ARHGAP6: variants seen among roughly 807,000 people sequenced by gnomAD.
The protein encoded by ARHGAP6 is rho GTPase-activating protein 6.
Under a neutral mutation model 55.7 loss-of-function variants are expected in ARHGAP6, and 16 were observed. That is an observed-to-expected ratio of 0.29 (90% CI 0.19 to 0.44). The LOEUF (loss-of-function observed/expected upper bound fraction) is 0.44, where lower values mean the gene tolerates loss of function less well. ARHGAP6 is among the 20% of genes least tolerant of loss of function. The pLI is 1.00. For missense variants in ARHGAP6, 698 were observed against 808.9 expected, an observed-to-expected ratio of 0.86 and a Z score of 1.66; for synonymous variants, 382 against 360.9, an observed-to-expected ratio of 1.06 and a Z score of -0.66.
intron 1 of ARHGAP6, among the ~76,000 whole-genome samples, chrX:11,394,864 T>C (rs917199011): frequency 8.9e-6 from 1 of 111,918 alleles, no homozygotes; most frequent in African/African-American, 3.2e-5. Context: ...TCTGAACAAC[T>C]ATCAGGATTG....
rs1359016261 is a variant in ARHGAP6, at chrX:11,664,307, G to A, written c.522C>T (p.Leu174=). The part of the protein sequence containing the change: ...NGIFASPRRW[L]QQRKFQSPPD... ...GTGGGGACTGGAACTTCCTCTGCTGGAGCCACCTCCTAGGAGAAGCGAAGA... is the reference window on the plus strand; with the variant it reads ...GTGGGGACTGGAACTTCCTCTGCTGAAGCCACCTCCTAGGAGAAGCGAAGA... Residue 174 remains leucine, a synonymous_variant, in exon 1 of 13, where the codon CTC becomes CTT. Transcript: ENST00000337414. 8.3e-6 allele frequency: 10 copies of A among 1,212,084 alleles called. No individual in the cohort carries two copies. The East Asian group carries it at 1.2e-4, about 14-fold the overall frequency.
At chrX:11,207,811 T>G (rs1209398135) in intron 2 of ARHGAP6, among the ~76,000 whole-genome samples, 1 of 111,543 alleles carries the variant, frequency 9.0e-6, no homozygotes, top group Non-Finnish European at 1.9e-5. Flanking sequence ...AAAACCACAG[T>G]TTTAAAATAT....
At chrX:11,398,528 G>A (rs935143928) in intron 1 of ARHGAP6, among the ~76,000 whole-genome samples, 7 of 111,494 alleles carry the variant, frequency 6.3e-5, no homozygotes, top group African/African-American at 1.6e-4. Context: ...TGATCAATAC[G>A]TTTTTTCCTA....
intron 1 of ARHGAP6, among the ~76,000 whole-genome samples, chrX:11,391,370 T>TA (rs745896282): frequency 6.9e-4 from 76 of 110,060 alleles, no homozygotes; most frequent in Non-Finnish European, 1.2e-3. Context: ...TGTAAATAAC[T>TA]AGTTAATGGG....
intron 1 of ARHGAP6, among the ~76,000 whole-genome samples, chrX:11,472,210 C>A (rs1360915071): frequency 1.8e-5 from 2 of 111,538 alleles, no homozygotes; most frequent in Non-Finnish European, 3.8e-5. Flanking sequence ...TCTCCACCCA[C>A]TAGATGCCGG....
chrX:11,292,972 C>T (rs2048020626), intron 1 of ARHGAP6, among the ~76,000 whole-genome samples: 1 of 111,445 alleles, frequency 9.0e-6, no homozygotes, highest in African/African-American at 3.3e-5. Flanking sequence ...GGGGTTTTAC[C>T]CAAATGGGAA....
intron 1 of ARHGAP6, among the ~76,000 whole-genome samples, chrX:11,406,095 G>A (rs757220148): frequency 4.5e-5 from 5 of 110,799 alleles, no homozygotes; most frequent in Non-Finnish European, 7.6e-5. Context: ...TAGAGACAGG[G>A]TCTTGCCATA....
chrX:11,427,618 C>T (rs1007297733), intron 1 of ARHGAP6: 2 of 880,710 alleles, frequency 2.3e-6, no homozygotes, highest in South Asian at 2.6e-5. Flanking sequence ...AGGAGTGGCG[C>T]GCCTTGGGCT....
chrX:11,660,785 G>A (rs976216437), intron 1 of ARHGAP6, among the ~76,000 whole-genome samples: 3 of 110,149 alleles, frequency 2.7e-5, no homozygotes, highest in Non-Finnish European at 5.7e-5. Context: ...TCTGCCTCAT[G>A]AAGGCATCAC....
chrX:11,248,992 C>CA (rs1398340763), intron 2 of ARHGAP6, among the ~76,000 whole-genome samples: 7 of 111,847 alleles, frequency 6.3e-5, no homozygotes, highest in African/African-American at 2.3e-4. Flanking sequence ...ACACAATTCG[C>CA]AACTGCAAAA....
chrX:11,626,086 G>A (rs187045311), intron 1 of ARHGAP6, among the ~76,000 whole-genome samples: 14 of 111,297 alleles, frequency 1.3e-4, no homozygotes, highest in African/African-American at 4.6e-4. Context: ...CTAGTAAAAT[G>A]GCAACCTGTA....
At chrX:11,354,327 C>CTCTCTCTCTCTCTATA (rs1343744315) in intron 1 of ARHGAP6, among the ~76,000 whole-genome samples, 3 of 32,350 alleles carry the variant, frequency 9.3e-5, no homozygotes, top group Non-Finnish European at 1.6e-4. Context: ...CTCTCTCTCT[C>CTCTCTCTCTCTCTATA]TATATATATA....
intron 1 of ARHGAP6, among the ~76,000 whole-genome samples, chrX:11,597,885 CT>C (rs1192215022): frequency 8.9e-6 from 1 of 112,137 alleles, no homozygotes; most frequent in Non-Finnish European, 1.9e-5. Flanking sequence ...AGAGTTTAGA[CT>C]TGATTCTAAG....
intron 1 of ARHGAP6, chrX:11,427,607 G>A: frequency 4.5e-6 from 4 of 888,914 alleles, no homozygotes; most frequent in Non-Finnish European, 4.2e-6. Flanking sequence ...TCGCCTCCGG[G>A]AGGAGTGGCG....
chrX:11,255,457 G>A (rs2047482552), intron 1 of ARHGAP6, among the ~76,000 whole-genome samples: 1 of 110,003 alleles, frequency 9.1e-6, no homozygotes, highest in Non-Finnish European at 1.9e-5. Context: ...TTATACTTAT[G>A]ACATATTATA....
At chrX:11,613,936 C>G (rs1219872522) in intron 1 of ARHGAP6, among the ~76,000 whole-genome samples, 1 of 112,164 alleles carries the variant, frequency 8.9e-6, no homozygotes, top group Non-Finnish European at 1.9e-5. Flanking sequence ...CCCAATAACT[C>G]CAGATGAGGC....
At chrX:11,500,210 G>A (rs1208045709) in intron 1 of ARHGAP6, among the ~76,000 whole-genome samples, 1 of 111,258 alleles carries the variant, frequency 9.0e-6, no homozygotes, top group Non-Finnish European at 1.9e-5. Context: ...TCTTTGGAAG[G>A]TACTTCCCAA....
intron 9 of ARHGAP6, among the ~76,000 whole-genome samples, chrX:11,164,788 G>A (rs144148610): frequency 5.5e-4 from 62 of 112,225 alleles, no homozygotes; most frequent in African/African-American, 1.9e-3. Context: ...AGTAAGAATC[G>A]TTTAATATCA....
intron 1 of ARHGAP6, among the ~76,000 whole-genome samples, chrX:11,618,226 T>C (rs767664421): frequency 9.0e-6 from 1 of 111,690 alleles, no homozygotes; most frequent in East Asian, 2.8e-4. Context: ...GCAAACACCT[T>C]AGCTTTAGCC....
Sources: allele counts gnomAD v4.1 joint callset (sites outside exome capture counted in the v4.1 genomes callset), GRCh38; gene constraint gnomAD v4.1.1; transcripts MANE v1.5; gene names NCBI Gene and HGNC (gene_info 2026-07-23, HGNC 2026-07-21).